The following DIAPH2 variants were observed in gnomAD, a reference collection of about 807,000 sequenced individuals.
DIAPH2 encodes the protein diaphanous related formin 2.
A neutral mutation model predicts 92.7 loss-of-function variants in DIAPH2; 35 were observed. That is an observed-to-expected ratio of 0.38 (90% CI 0.29 to 0.50). The LOEUF (loss-of-function observed/expected upper bound fraction) is 0.50, where lower values mean the gene tolerates loss of function less well. Among genes scored for constraint, DIAPH2 ranks in the 20% least tolerant of loss-of-function variants. The pLI is 0.94. For missense variants in DIAPH2, 701 were observed against 819.5 expected, an observed-to-expected ratio of 0.86 and a Z score of 1.77; for synonymous variants, 301 against 280.4, an observed-to-expected ratio of 1.07 and a Z score of -0.73.
intron 4 of DIAPH2, among the ~76,000 whole-genome samples, chrX:96,765,339 A>T (rs1298964842): frequency 3.7e-5 from 4 of 108,665 alleles, no homozygotes; most frequent in Non-Finnish European, 5.7e-5. Flanking sequence ...CTGGGACTAC[A>T]GGTGTGCACC....
At chrX:96,949,787 G>C (rs1226030329) in intron 15 of DIAPH2, among the ~76,000 whole-genome samples, 1 of 106,215 alleles carries the variant, frequency 9.4e-6, no homozygotes, top group African/African-American at 3.4e-5. Context: ...GTGAAACCAG[G>C]AGGCAGAACT....
intron 17 of DIAPH2, among the ~76,000 whole-genome samples, chrX:97,072,357 C>T (rs1195546015): frequency 8.9e-6 from 1 of 112,281 alleles, no homozygotes; most frequent in Non-Finnish European, 1.9e-5. Context: ...GCGAGGGATA[C>T]AAAGCTAAAT....
intron 24 of DIAPH2, among the ~76,000 whole-genome samples, chrX:97,370,090 G>A (rs2069431021): frequency 9.0e-6 from 1 of 111,321 alleles, no homozygotes; most frequent in African/African-American, 3.3e-5. Flanking sequence ...ATTCCCCAGG[G>A]ACTAGAACGG....
chrX:96,858,159 C>T (rs773932252), intron 4 of DIAPH2, among the ~76,000 whole-genome samples: 4 of 110,858 alleles, frequency 3.6e-5, no homozygotes, highest in Non-Finnish European at 7.6e-5. Context: ...CATTTGATTC[C>T]CTTGAAGTAC....
intron 26 of DIAPH2, chrX:97,449,785 T>C (rs980767806): frequency 6.6e-6 from 2 of 302,263 alleles, no homozygotes; most frequent in Non-Finnish European, 8.8e-6. Context: ...CTTTAGTGGG[T>C]CCCATTGTGC....
intron 25 of DIAPH2, among the ~76,000 whole-genome samples, chrX:97,394,157 C>T (rs1282287483): frequency 9.0e-6 from 1 of 111,594 alleles, no homozygotes; most frequent in Non-Finnish European, 1.9e-5. Context: ...AAATTATAGT[C>T]ACCAAAATTA....
At chrX:96,689,988 CT>C (rs367914441) in intron 1 of DIAPH2, among the ~76,000 whole-genome samples, 6,827 of 100,315 alleles carry the variant, frequency 0.068, 233 homozygotes, top group Middle Eastern at 0.15. Flanking sequence ...TTGTATGTGC[CT>C]TTTTTTTTTT....
intron 24 of DIAPH2, among the ~76,000 whole-genome samples, chrX:97,353,387 G>A (rs2069236854): frequency 9.0e-6 from 1 of 111,165 alleles, no homozygotes; most frequent in Non-Finnish European, 1.9e-5. Flanking sequence ...TTCACGGCAA[G>A]TATTATACTT....
rs1467885322 is a variant in DIAPH2 at position 97,185,304 on chromosome X, A to ATAT, written c.2719+43510_2719+43511insTAT. ...AGTGAGACCCTGTCTCAAAAAAAAA[A>ATAT]AAATATATATATATATATATGTGTA... is the stretch of plus-strand genomic sequence containing the variant. On this transcript the variant is annotated intron_variant, in intron 22 of 26. Coordinates refer to ENST00000324765, the MANE Select transcript of DIAPH2 (RefSeq NM_006729.5). Among the ~76,000 whole-genome samples the ATAT allele has an allele frequency of 3.7e-4, 14 of 37,566 alleles. 1 individual carries two copies. Among genetic ancestry groups the ATAT allele is most frequent in the African/African-American group, 2.0e-3 (14 of 6,902 alleles). The allele number at this position is 37,566 out of a possible 115,157, so 32.6% of individuals were successfully genotyped here.
intron 25 of DIAPH2, among the ~76,000 whole-genome samples, chrX:97,420,848 A>G (rs1326922561): frequency 8.9e-6 from 1 of 112,028 alleles, no homozygotes; most frequent in Non-Finnish European, 1.9e-5. Context: ...GAATAAGAGC[A>G]TCTGCCTTCA....
At chrX:96,975,212 G>A (rs916100038) in intron 17 of DIAPH2, among the ~76,000 whole-genome samples, 2 of 111,225 alleles carry the variant, frequency 1.8e-5, no homozygotes, top group African/African-American at 6.5e-5. Context: ...TTTTCTTTAG[G>A]ATCATATTTT....
At chrX:97,295,835 T>C (rs1438896530) in intron 23 of DIAPH2, among the ~76,000 whole-genome samples, 3 of 108,723 alleles carry the variant, frequency 2.8e-5, no homozygotes, top group Non-Finnish European at 5.7e-5. Context: ...AGGTTCAAGC[T>C]ATTCTCCTGC....
At chrX:97,267,673 C>T (rs901294012) in intron 23 of DIAPH2, among the ~76,000 whole-genome samples, 1 of 111,818 alleles carries the variant, frequency 8.9e-6, no homozygotes, top group Admixed American at 9.5e-5. Context: ...ATTGAATGAA[C>T]TAAGGACTTG....
intron 22 of DIAPH2, among the ~76,000 whole-genome samples, chrX:97,235,481 G>A (rs1316155384): frequency 9.2e-6 from 1 of 109,135 alleles, no homozygotes; most frequent in East Asian, 2.9e-4. Flanking sequence ...GCACATGCCT[G>A]TAATCCCAGC....
At chrX:97,264,110 A>T (rs1180822572) in intron 23 of DIAPH2, among the ~76,000 whole-genome samples, 1 of 109,400 alleles carries the variant, frequency 9.1e-6, no homozygotes, top group East Asian at 2.8e-4. Flanking sequence ...TTTTGTAAAG[A>T]TGGGGTTTCG....
At chrX:96,883,984 C>CCA (rs2065238573) in intron 5 of DIAPH2, 1 of 188,318 alleles carries the variant, frequency 5.3e-6, no homozygotes, top group African/African-American at 3.0e-5. Flanking sequence ...AATAGATAGG[C>CCA]GCTTTGACCA....
intron 5 of DIAPH2, chrX:96,884,579 T>A: frequency 8.3e-7 from 1 of 1,210,831 alleles, no homozygotes. Context: ...TCAAATCACA[T>A]TTGTTACAAA....
At position 97,349,006 on chromosome X, in the gene DIAPH2, G is replaced by GTGTGTATATATATA. The variant is rs1556032071; in HGVS notation, c.3009+739_3009+740insATGTGTATATATAT. ...AAGGTGTGTGTGTATATATATATGT[G>GTGTGTATATATATA]TGTGTATATATATGTGTATATATAT... On this transcript the variant is annotated intron_variant, in intron 24 of 26. Transcript: ENST00000324765. 7.9e-3 allele frequency among the ~76,000 whole-genome samples: 822 copies of GTGTGTATATATATA among 104,364 alleles called. 7 individuals carry two copies. Among genetic ancestry groups the GTGTGTATATATATA allele is most frequent in the African/African-American group, 0.029 (785 of 27,003 alleles). The allele number at this position is 104,364 out of a possible 115,157, so 90.6% of individuals were successfully genotyped here.
At chrX:96,706,309 C>A (rs1209566571) in intron 1 of DIAPH2, among the ~76,000 whole-genome samples, 1 of 111,950 alleles carries the variant, frequency 8.9e-6, no homozygotes, top group Non-Finnish European at 1.9e-5. Context: ...CAATTATATC[C>A]CCTGCTTAGA....
Sources: allele counts gnomAD v4.1 joint callset (sites outside exome capture counted in the v4.1 genomes callset), GRCh38; gene constraint gnomAD v4.1.1; transcripts MANE v1.5; gene names NCBI Gene and HGNC (gene_info 2026-07-23, HGNC 2026-07-21).